The following CDKL5 variants were observed in gnomAD, a reference collection of about 807,000 sequenced individuals.
CDKL5 encodes cyclin dependent kinase like 5.
Under a neutral mutation model 61.7 loss-of-function variants are expected in CDKL5, and 8 were observed. The observed-to-expected ratio is 0.13, with a 90% CI of 0.08 to 0.23. The LOEUF is 0.23. Among genes scored for constraint, CDKL5 ranks in the 10% least tolerant of loss-of-function variants. The pLI, the probability that CDKL5 is intolerant of heterozygous loss-of-function variation, is 1.00. For synonymous variants in CDKL5, 275 were observed against 272.3 expected (o/e 1.01, Z -0.10); for missense variants, 440 against 734.5 (o/e 0.60, Z 4.63).
At position 18,631,925 on chromosome X, in the gene CDKL5, T is replaced by C. The variant is rs1222915328; in HGVS notation, c.*3168T>C. ...GGCAGATTTACCCCCAAGGGTACAT[T>C]TGGCAATGTCTGGGGACATTTGGTT... is the stretch of plus-strand genomic sequence containing the variant. On this transcript the variant is annotated 3_prime_UTR_variant, in exon 18 of 18. Coordinates refer to ENST00000623535, the MANE Select transcript of CDKL5 (RefSeq NM_001323289.2). 1.4e-6 allele frequency: 1 copy of C among 707,018 alleles called. No individual in the cohort carries two copies. The highest frequency in any genetic ancestry group is 1.7e-6 in the Non-Finnish European group (1 of 597,493). 58.3% of individuals were successfully genotyped at this position (707,018 alleles called of 1,213,427 possible). A position where few individuals can be genotyped will look rare whatever the true frequency, so the allele number is the denominator to read the frequency against.
At chrX:18,458,812 A>G (rs1932209698) in intron 1 of CDKL5, among the ~76,000 whole-genome samples, 1 of 112,741 alleles carries the variant, frequency 8.9e-6, no homozygotes, top group African/African-American at 3.2e-5. Flanking sequence ...ACTAGTGGCT[A>G]CTGTATTAGA....
chrX:18,471,399 G>A lies in CDKL5; in HGVS notation c.-162-35536G>A, dbSNP rs140098260. Among the ~76,000 whole-genome samples, 99 of 110,887 alleles carry A rather than the reference G, an allele frequency of 8.9e-4. 1 individual carries two copies. The highest frequency in any genetic ancestry group is 3.0e-3 in the African/African-American group (91 of 30,552). On this transcript the variant is annotated intron_variant, in intron 1 of 17. Transcript: ENST00000623535. ...TTTTATTAATTTTTTTTGAGACAGG[G>A]TCTTGTTCTGTTGCCCAGGCGGGAG...
rs779361711 is a variant in CDKL5, at chrX:18,518,388, A to ATTTTTTTTTTTTT, written c.99+7557_99+7569dup. 1.7e-3 allele frequency among the ~76,000 whole-genome samples: 36 copies of ATTTTTTTTTTTTT among 21,161 alleles called. 6 individuals carry two copies. The highest frequency in any genetic ancestry group is 6.2e-3 in the East Asian group (3 of 483). 18.4% of individuals were successfully genotyped at this position (21,161 alleles called of 115,157 possible). On this transcript the variant is annotated intron_variant, in intron 3 of 17. Transcript: ENST00000623535. Reference sequence around the variant, plus strand: ...AAGTCATGTTTTCTTTTCTTTTCTTATTTTTTTTTTTTTTTTTTTTTTTTT... The same window carrying ATTTTTTTTTTTTT: ...AAGTCATGTTTTCTTTTCTTTTCTTATTTTTTTTTTTTTTTTTTTTTTTTTTTTTTTTTTTTTT...
chrX:18,494,660 G>A (rs1922105401), intron 1 of CDKL5, among the ~76,000 whole-genome samples: 1 of 112,431 alleles, frequency 8.9e-6, no homozygotes, highest in Non-Finnish European at 1.9e-5. Context: ...GTAGCTGGTA[G>A]AAGATACATT....
chrX:18,536,158 A>C (rs1180555254), intron 3 of CDKL5: 1 of 111,561 alleles, frequency 9.0e-6, no homozygotes, highest in Non-Finnish European at 1.9e-5. Context: ...CAAGATGCAT[A>C]CTTGGAAGCA....
chrX:18,433,114 A>G (rs1481243698), intron 1 of CDKL5, among the ~76,000 whole-genome samples: 1 of 108,944 alleles, frequency 9.2e-6, no homozygotes, highest in Non-Finnish European at 1.9e-5. Context: ...TGTAGGCCCA[A>G]CCTCCTGGGA....
chrX:18,580,607 A>C (rs1164711783), intron 6 of CDKL5, among the ~76,000 whole-genome samples: 2 of 111,976 alleles, frequency 1.8e-5, no homozygotes, highest in African/African-American at 6.5e-5. Flanking sequence ...TAGCAATGAA[A>C]GGGAAATTAC....
rs775566989 is a variant in CDKL5 at position 18,544,579 on chromosome X, A to G, written c.100-19898A>G. 6.2e-5 allele frequency among the ~76,000 whole-genome samples: 7 copies of G among 112,081 alleles called. No homozygotes were observed. The East Asian group carries it at 2.0e-3, about 32-fold the overall frequency. ...TCAGGTAGTAGGTGGTAGAGCCAGGATTCAAATGCAGGCAGTCTAGCTCAG... is the reference window on the plus strand; with the variant it reads ...TCAGGTAGTAGGTGGTAGAGCCAGGGTTCAAATGCAGGCAGTCTAGCTCAG... On this transcript the variant is annotated intron_variant, in intron 3 of 17. Coordinates refer to ENST00000623535, the MANE Select transcript of CDKL5 (RefSeq NM_001323289.2).
At chrX:18,436,603 A>G (rs1347796118) in intron 1 of CDKL5, among the ~76,000 whole-genome samples, 1 of 110,985 alleles carries the variant, frequency 9.0e-6, no homozygotes, top group African/African-American at 3.3e-5. Context: ...AGAACCTTTT[A>G]AAGAACTGAA....
At position 18,615,387 on chromosome X, in the gene CDKL5, C is replaced by T. The variant is rs1926685340; in HGVS notation, c.2276+2112C>T. Among the ~76,000 whole-genome samples, 4 of 111,674 alleles carry T rather than the reference C, an allele frequency of 3.6e-5. No individual in the cohort carries two copies. In the Admixed American group the frequency reaches 3.8e-4, roughly 11 times the overall value. Reference sequence around the variant, plus strand: ...GTAACTTACAAAAAACATCAAAGAGCCTTGTTATGGTAATATAGTGAATTG... The same window carrying T: ...GTAACTTACAAAAAACATCAAAGAGTCTTGTTATGGTAATATAGTGAATTG... On this transcript the variant is annotated intron_variant, in intron 15 of 17. Coordinates refer to ENST00000623535, the MANE Select transcript of CDKL5 (RefSeq NM_001323289.2).
At chrX:18,467,104 G>A (rs1920967626) in intron 1 of CDKL5, among the ~76,000 whole-genome samples, 1 of 111,525 alleles carries the variant, frequency 9.0e-6, no homozygotes, top group African/African-American at 3.3e-5. Flanking sequence ...TATAGCATAT[G>A]TACCTGACAG....
chrX:18,582,441 AT>A (rs1216219985), intron 7 of CDKL5, among the ~76,000 whole-genome samples: 1 of 111,300 alleles, frequency 9.0e-6, no homozygotes, highest in Non-Finnish European at 1.9e-5. Flanking sequence ...GTATAGGGAA[AT>A]TTTTTTAGTT....
intron 14 of CDKL5, among the ~76,000 whole-genome samples, chrX:18,611,127 C>T (rs971965117): frequency 9.0e-6 from 1 of 111,620 alleles, no homozygotes; most frequent in Admixed American, 9.5e-5. Flanking sequence ...ACCATGATTA[C>T]GCTTTAGTAT....
chrX:18,601,099 A>G (rs1274661068), intron 11 of CDKL5, among the ~76,000 whole-genome samples: 1 of 111,841 alleles, frequency 8.9e-6, no homozygotes, highest in Non-Finnish European at 1.9e-5. Flanking sequence ...GTTGCCACGT[A>G]CAAACTCCCC....
intron 5 of CDKL5, among the ~76,000 whole-genome samples, chrX:18,578,829 G>T: frequency 1.8e-5 from 2 of 111,881 alleles, no homozygotes; most frequent in Non-Finnish European, 3.8e-5. Flanking sequence ...TTGAAATTTA[G>T]TCAAAGTAAT....
Position 18,630,991 on chromosome X carries a change from CT to C in CDKL5, c.*2241del. ...CCCCCCTTGCAAACCAGAAACTACACTTTTTTTCTCTGGAAAGACTTCTCAC... is the reference window on the plus strand; with the variant it reads ...CCCCCCTTGCAAACCAGAAACTACACTTTTTTCTCTGGAAAGACTTCTCAC... On this transcript the variant is annotated 3_prime_UTR_variant, in exon 18 of 18. Coordinates refer to ENST00000623535, the MANE Select transcript of CDKL5 (RefSeq NM_001323289.2). 1.3e-6 allele frequency: 1 copy of C among 749,568 alleles called. No homozygotes were observed. The highest frequency in any genetic ancestry group is 1.6e-6 in the Non-Finnish European group (1 of 638,100). 61.8% of individuals were successfully genotyped at this position (749,568 alleles called of 1,213,427 possible).
At chrX:18,600,008 C>CT (rs1229581387) in intron 11 of CDKL5, among the ~76,000 whole-genome samples, 4 of 111,192 alleles carry the variant, frequency 3.6e-5, no homozygotes. Context: ...AATTTTTTAT[C>CT]TTTTGTAGAG....
In CDKL5 at chrX:18,598,602, A is replaced by C; in HGVS notation, c.966A>C (p.Thr322=). Residue 322 remains threonine, a synonymous_variant, in exon 11 of 18, where the codon ACA becomes ACC. Transcript: ENST00000623535. ...KRKPYHVESS[T]LSNRNQAGKS... ...AACCTTACCATGTGGAAAGCAGCAC[A>C]TTGTCTAATAGGTAAATATTCCCTT... The C allele has an allele frequency of 8.3e-7, 1 of 1,209,156 alleles. No individual in the cohort carries two copies. The highest frequency in any genetic ancestry group is 1.1e-6 in the Non-Finnish European group (1 of 893,111).
At chrX:18,518,444 C>T (rs1390670170) in intron 3 of CDKL5, among the ~76,000 whole-genome samples, 5 of 69,921 alleles carry the variant, frequency 7.2e-5, no homozygotes, top group African/African-American at 2.8e-4. Context: ...CTCGCTCTGT[C>T]GCCAGGCTGG....
Sources: gnomAD v4.1 joint callset for allele counts (sites outside exome capture counted in the v4.1 genomes callset) on GRCh38, gnomAD v4.1.1 for gene constraint, MANE v1.5 for transcripts, NCBI Gene and HGNC (gene_info 2026-07-23, HGNC 2026-07-21) for gene names.